The following ZNF846 variants were observed in gnomAD, a reference collection of about 807,000 sequenced individuals.
ZNF846 encodes zinc finger protein 846.
A neutral mutation model predicts 16.0 loss-of-function variants in ZNF846; 15 were observed. The ratio of observed to expected loss-of-function variants is 0.94; its 90% CI spans 0.63 to 1.45. The LOEUF is 1.45. ZNF846 is among the 40% of genes most tolerant of loss of function. The probability of loss-of-function intolerance (pLI) is 0.00; values close to 1 mark genes in which losing one functional copy is unlikely to be tolerated. For synonymous variants in ZNF846, 229 were observed against 212.0 expected (o/e 1.08, Z -0.70); for missense variants, 714 against 622.3 (o/e 1.15, Z -1.57).
intron 1 of ZNF846, among the ~76,000 whole-genome samples, chr19:9,765,641 C>G (rs565374160): frequency 6.6e-6 from 1 of 152,302 alleles, no homozygotes; most frequent in South Asian, 2.1e-4. Context: ...CCACTGCACT[C>G]CAGCCTGGGT....
chr19:9,760,265 C>T (rs1417526618), intron 4 of ZNF846, among the ~76,000 whole-genome samples: 3 of 150,066 alleles, frequency 2.0e-5, no homozygotes, highest in Non-Finnish European at 4.4e-5. Context: ...GCACTCCAGC[C>T]TGGGCTACAG....
At chr19:9,757,366 C>T (rs2145189704), downstream of ZNF846, 3 of 882,972 alleles carry the variant, frequency 3.4e-6, no homozygotes, top group East Asian at 2.5e-5. Context: ...TAAATTCATT[C>T]CTATTATATA....
chr19:9,774,597 C>T (rs1390073854), intron 1 of ZNF846: 14 of 1,509,040 alleles, frequency 9.3e-6, no homozygotes, highest in South Asian at 7.9e-5. Context: ...AATTTATTGA[C>T]TTAGCAAGGG....
chr19:9,781,526 G>A (rs2045501267), intron 1 of ZNF846, among the ~76,000 whole-genome samples: 1 of 151,958 alleles, frequency 6.6e-6, no homozygotes, highest in Non-Finnish European at 1.5e-5. Flanking sequence ...CACTTGCGCT[G>A]TTTATCTTTC....
chr19:9,772,789 T>C (rs2045399892), upstream of ZNF846, among the ~76,000 whole-genome samples: 1 of 152,010 alleles, frequency 6.6e-6, no homozygotes, highest in Non-Finnish European at 1.5e-5. Context: ...ATCCATTAAA[T>C]AGTCCAGGTG....
chr19:9,756,507 C>T (rs565955601), downstream of ZNF846: 43 of 150,902 alleles, frequency 2.8e-4, 1 homozygote, highest in South Asian at 1.0e-3. Flanking sequence ...TTCTCTCCAA[C>T]GCATGTTGAC....
intron 1 of ZNF846, among the ~76,000 whole-genome samples, chr19:9,780,971 T>C (rs915024275): frequency 2.6e-5 from 4 of 152,194 alleles, no homozygotes; most frequent in Non-Finnish European, 5.9e-5. Context: ...CAGCCCTTAG[T>C]ACATTTCTCA....
rs764673718 is a variant in ZNF846, at chr19:9,758,076, C to T, written c.1001G>A (p.Gly334Glu). The change falls in exon 6 of 6, where the codon GGA (glycine) becomes GAA (glutamate). Residue 334 changes from glycine (G) to glutamate (E), a missense_variant. By Grantham distance (98) the Gly-to-Glu change is moderately conservative. Transcript: ENST00000397902. ...CTCCTTACATTCATATGGCTTTTCT[C>T]CAGTGTGAATTCGCATGTGTAAAAT... The T allele has an allele frequency of 4.3e-5, 70 of 1,613,468 alleles. 1 individual carries two copies. The South Asian group carries it at 7.6e-4, about 17-fold the overall frequency.
At chr19:9,774,439 G>A in intron 1 of ZNF846, 4 of 694,096 alleles carry the variant, frequency 5.8e-6, no homozygotes, top group Non-Finnish European at 1.0e-5. Flanking sequence ...CTGCACTCCA[G>A]CCTGGGCAAC....
At chr19:9,777,488 T>A (rs1172764037) in intron 1 of ZNF846, among the ~76,000 whole-genome samples, 1 of 151,574 alleles carries the variant, frequency 6.6e-6, no homozygotes, top group Non-Finnish European at 1.5e-5. Context: ...CTGGCCAACC[T>A]GGTGAAATCC....
At chr19:9,784,019 T>G (rs1019660615) in intron 1 of ZNF846, among the ~76,000 whole-genome samples, 2 of 152,146 alleles carry the variant, frequency 1.3e-5, no homozygotes, top group Non-Finnish European at 2.9e-5. Flanking sequence ...TGGTGATTTT[T>G]TTTCCTAAAG....
chr19:9,783,893 G>A (rs1346289813), intron 1 of ZNF846, among the ~76,000 whole-genome samples: 1 of 151,860 alleles, frequency 6.6e-6, no homozygotes, highest in African/African-American at 2.4e-5. Flanking sequence ...TGTAGATACC[G>A]GGTTTTGCCA....
downstream of ZNF846, among the ~76,000 whole-genome samples, chr19:9,748,818 G>A (rs2045063399): frequency 6.6e-6 from 1 of 151,974 alleles, no homozygotes; most frequent in African/African-American, 2.4e-5. Context: ...CTTCTTGCTG[G>A]GCCCCCACCT....
chr19:9,757,604 T>C (rs1277360127), exon 6 of ZNF846: 7 of 1,613,570 alleles, frequency 4.3e-6, no homozygotes, highest in East Asian at 2.2e-5. Context: ...CGTTAAGGTA[T>C]GTGGAATACC....
At chr19:9,759,803 C>T (rs994138618) in intron 5 of ZNF846, 57 bp downstream of exon 5, 1 of 1,347,726 alleles carries the variant, frequency 7.4e-7, no homozygotes, top group African/African-American at 1.5e-5. Flanking sequence ...ATATAATTTT[C>T]ATGAATATTG....
At chr19:9,772,463 G>A (rs1389739166), upstream of ZNF846, among the ~76,000 whole-genome samples, 4 of 151,962 alleles carry the variant, frequency 2.6e-5, no homozygotes, top group Non-Finnish European at 5.9e-5. Context: ...AGCCAGGTGT[G>A]GTGGCACGCA....
downstream of ZNF846, among the ~76,000 whole-genome samples, chr19:9,757,151 T>C (rs2045144795): frequency 6.6e-6 from 1 of 150,784 alleles, no homozygotes; most frequent in Non-Finnish European, 1.5e-5. Flanking sequence ...GCCAAGGTCA[T>C]GCCACTGTAC....
intron 1 of ZNF846, among the ~76,000 whole-genome samples, chr19:9,776,537 C>T (rs527548878): frequency 6.6e-5 from 10 of 152,368 alleles, no homozygotes; most frequent in African/African-American, 2.2e-4. Context: ...CGTGACCTTA[C>T]CTATCATTGG....
Position 9,760,504 on chromosome 19 carries a change from C to A in ZNF846, c.230-562G>T, listed in dbSNP as rs576312987. Among the ~76,000 whole-genome samples, 3 of 151,162 alleles carry A rather than the reference C, an allele frequency of 2.0e-5. No individual in the cohort carries two copies. In the East Asian group the frequency reaches 5.8e-4, roughly 29 times the overall value. On this transcript the variant is annotated intron_variant, in intron 4 of 5. Transcript: ENST00000397902. ...TCACTTGAGTTCAGGAGTTCGAGAC[C>A]AGCCCGGCCAACATGGTGAAGTGCT...
Sources: gnomAD v4.1 joint callset for allele counts (sites outside exome capture counted in the v4.1 genomes callset) on GRCh38, gnomAD v4.1.1 for gene constraint, MANE v1.5 for transcripts, NCBI Gene and HGNC (gene_info 2026-07-23, HGNC 2026-07-21) for gene names.